The following RASA2 variants were observed in gnomAD, a reference collection of about 807,000 sequenced individuals.
RASA2 encodes the protein RAS p21 protein activator 2.
A neutral mutation model predicts 118.2 loss-of-function variants in RASA2; 155 were observed. That is an observed-to-expected ratio of 1.31 (90% CI 1.15 to 1.50). The LOEUF (loss-of-function observed/expected upper bound fraction) is 1.50, where lower values mean the gene tolerates loss of function less well. RASA2 is among the 40% of genes most tolerant of loss of function. RASA2 has a pLI of 0.00. For missense variants in RASA2, 1,016 were observed against 1,009.6 expected (o/e 1.01, Z -0.09); for synonymous variants, 353 against 349.1 (o/e 1.01, Z -0.12).
At chr3:141,582,229 T>A (rs1445879908) in intron 17 of RASA2, among the ~76,000 whole-genome samples, 2 of 152,222 alleles carry the variant, frequency 1.3e-5, no homozygotes, top group Non-Finnish European at 2.9e-5. Context: ...ACTTAGTAAG[T>A]GAAAAATGAT....
At chr3:141,585,405 T>C (rs1436197543) in intron 17 of RASA2, among the ~76,000 whole-genome samples, 3 of 152,204 alleles carry the variant, frequency 2.0e-5, no homozygotes, top group Non-Finnish European at 4.4e-5. Flanking sequence ...ATTTAAAAAC[T>C]TTGTATTCAG....
intron 5 of RASA2, among the ~76,000 whole-genome samples, chr3:141,541,289 T>A (rs1053640644): frequency 6.6e-6 from 1 of 152,186 alleles, no homozygotes; most frequent in Non-Finnish European, 1.5e-5. Flanking sequence ...GTCCACATAT[T>A]GTAAGGTCAG....
chr3:141,606,403 A>G (rs915565331), intron 19 of RASA2, among the ~76,000 whole-genome samples: 2 of 152,196 alleles, frequency 1.3e-5, no homozygotes, highest in Non-Finnish European at 2.9e-5. Context: ...AATTTAAAGT[A>G]ATTTCTCACT....
In RASA2 at chr3:141,614,142, T is replaced by C. The variant is rs1372118635; in HGVS notation, c.*1829T>C. On this transcript the variant is annotated 3_prime_UTR_variant, in exon 24 of 24. Coordinates refer to ENST00000286364, the MANE Select transcript of RASA2 (RefSeq NM_006506.5). ...CTTTTTAGTCCTCTGCTTTTTTTTT[T>C]AAGGCAAAAGAAATATGCATCTAGC... 1 of 152,082 alleles carries C rather than the reference T, an allele frequency of 6.6e-6. No individual in the cohort carries two copies. Among genetic ancestry groups the C allele is most frequent in the East Asian group, 1.9e-4 (1 of 5,192 alleles). 9.4% of individuals were successfully genotyped at this position (152,082 alleles called of 1,614,324 possible). A position where few individuals can be genotyped will look rare whatever the true frequency, so the allele number is the denominator to read the frequency against.
intron 3 of RASA2, among the ~76,000 whole-genome samples, chr3:141,529,120 A>T (rs2082223029): frequency 6.6e-6 from 1 of 152,006 alleles, no homozygotes; most frequent in Non-Finnish European, 1.5e-5. Context: ...GAACTGCCTT[A>T]ATTTTTGTAT....
chr3:141,497,886 A>G (rs1186225492), intron 1 of RASA2, among the ~76,000 whole-genome samples: 3 of 151,912 alleles, frequency 2.0e-5, no homozygotes, highest in African/African-American at 4.8e-5. Context: ...AAAAAAAAAA[A>G]GTAGAAATAA....
In RASA2 at chr3:141,587,012, C is replaced by G. The variant is rs75598724; in HGVS notation, c.1933+260C>G. On this transcript the variant is annotated intron_variant, in intron 19 of 23. Transcript: ENST00000286364. ...CTGTTTTCTAAAAATCCATAGTAAT[C>G]CATACTGTTATTTATCAAAGAACAA... 0.013 allele frequency: 6,100 copies of G among 467,516 alleles called. 265 individuals are homozygous for G. The highest frequency in any genetic ancestry group is 0.088 in the African/African-American group (4,442 of 50,538). 29.0% of individuals were successfully genotyped at this position (467,516 alleles called of 1,614,324 possible).
Position 141,559,996 on chromosome 3 carries a change from G to C in RASA2, c.863+1G>C. ...GAACTGATTCCTCTCATCAAGCCTGGTAAGGGCCCAGCATTTTAGTGAACT... is the reference window on the plus strand; with the variant it reads ...GAACTGATTCCTCTCATCAAGCCTGCTAAGGGCCCAGCATTTTAGTGAACT... On this transcript the variant is annotated splice_donor_variant, in intron 9 of 23. Coordinates refer to ENST00000286364, the MANE Select transcript of RASA2 (RefSeq NM_006506.5). LOFTEE classifies it high-confidence loss of function. 6.2e-7 allele frequency: 1 copy of C among 1,609,564 alleles called. No homozygotes were observed. Among genetic ancestry groups the C allele is most frequent in the Non-Finnish European group, 8.5e-7 (1 of 1,176,272 alleles).
intron 17 of RASA2, among the ~76,000 whole-genome samples, chr3:141,584,330 C>CAAAAAAAAAA (rs56396460): frequency 4.9e-5 from 3 of 60,660 alleles, no homozygotes; most frequent in Admixed American, 2.1e-4. Context: ...AACTCCATCC[C>CAAAAAAAAAA]AAAAAAAAAA....
intron 3 of RASA2, among the ~76,000 whole-genome samples, chr3:141,520,698 A>G (rs1179164204): frequency 6.6e-6 from 1 of 152,228 alleles, no homozygotes; most frequent in Non-Finnish European, 1.5e-5. Context: ...ACACAGATAT[A>G]TATACACACA....
In RASA2 at chr3:141,608,526, T is replaced by G; in HGVS notation, c.2054T>G (p.Val685Gly). Reference sequence around the variant, plus strand: ...ATACATACGGAGAAACCACTCTATGTCCAGGCAAATAACTGTGTAGAAGCT... The same window carrying G: ...ATACATACGGAGAAACCACTCTATGGCCAGGCAAATAACTGTGTAGAAGCT... ...QVIHTEKPLY[V>G]QANNCVEANE... The change falls in exon 21 of 24, where the codon GTC becomes GGC. Residue 685 changes from valine (V) to glycine (G), a missense_variant. This residue lies in a region of RASA2 where 896 missense variants were observed against 836.4 expected (regional missense o/e 1.07). Coordinates refer to ENST00000286364, the MANE Select transcript of RASA2 (RefSeq NM_006506.5). 6.2e-7 allele frequency: 1 copy of G among 1,613,956 alleles called. No homozygotes were observed. Among genetic ancestry groups the G allele is most frequent in the Non-Finnish European group, 8.5e-7 (1 of 1,179,874 alleles).
At chr3:141,567,891 C>T (rs898834149) in intron 9 of RASA2, among the ~76,000 whole-genome samples, 8 of 152,058 alleles carry the variant, frequency 5.3e-5, no homozygotes, top group African/African-American at 1.9e-4. Flanking sequence ...AGAAGAATGG[C>T]AAAGAAAATC....
intron 1 of RASA2, among the ~76,000 whole-genome samples, chr3:141,489,284 G>T (rs1170039644): frequency 6.6e-6 from 1 of 151,948 alleles, no homozygotes; most frequent in African/African-American, 2.4e-5. Flanking sequence ...CCATTTCTTT[G>T]TCCTCCTTTT....
At chr3:141,608,937 A>G (rs1167468294) in intron 21 of RASA2, among the ~76,000 whole-genome samples, 1 of 152,244 alleles carries the variant, frequency 6.6e-6, no homozygotes, top group East Asian at 1.9e-4. Flanking sequence ...ATTAGTGGTT[A>G]CAAGGGATAA....
intron 1 of RASA2, among the ~76,000 whole-genome samples, chr3:141,487,981 G>T (rs910237061): frequency 1.3e-5 from 2 of 152,162 alleles, no homozygotes; most frequent in Non-Finnish European, 2.9e-5. Context: ...CACCCAGCCC[G>T]CACTCAGCCC....
At chr3:141,592,610 A>G (rs2083304002) in intron 19 of RASA2, among the ~76,000 whole-genome samples, 1 of 152,174 alleles carries the variant, frequency 6.6e-6, no homozygotes, top group South Asian at 2.1e-4. Flanking sequence ...AGACTACTAA[A>G]ATATTCTAGA....
intron 4 of RASA2, among the ~76,000 whole-genome samples, chr3:141,533,062 C>T (rs1050088255): frequency 6.6e-6 from 1 of 152,126 alleles, no homozygotes; most frequent in Non-Finnish European, 1.5e-5. Context: ...GTCTCTTCCT[C>T]TGCTTCTCTG....
rs578236475 is a variant in RASA2 at position 141,603,987 on chromosome 3, T to C, written c.1934-3691T>C. ...ACATTTTGTTTATTCATTCACCAGTTGATGGACATTTAGGTTGTTTTTGGT... is the reference window on the plus strand; with the variant it reads ...ACATTTTGTTTATTCATTCACCAGTCGATGGACATTTAGGTTGTTTTTGGT... On this transcript the variant is annotated intron_variant, in intron 19 of 23. Transcript: ENST00000286364. Among the ~76,000 whole-genome samples, 419 of 152,368 alleles carry C rather than the reference T, an allele frequency of 2.7e-3. 2 individuals are homozygous for C. Among genetic ancestry groups the C allele is most frequent in the African/African-American group, 9.8e-3 (406 of 41,588 alleles).
At chr3:141,487,576 C>G (rs1373321975) in intron 1 of RASA2, among the ~76,000 whole-genome samples, 2 of 151,908 alleles carry the variant, frequency 1.3e-5, no homozygotes, top group South Asian at 2.1e-4. Context: ...GAGGAGCTTC[C>G]GGCCGCCCTC....
Sources: allele counts gnomAD v4.1 joint callset (sites outside exome capture counted in the v4.1 genomes callset), GRCh38; gene constraint gnomAD v4.1.1; regional missense constraint gnomAD v4.1.1; transcripts MANE v1.5; gene names NCBI Gene and HGNC (gene_info 2026-07-23, HGNC 2026-07-21).